EPHA3: variants seen among roughly 807,000 people sequenced by gnomAD.
EPHA3 encodes EPH receptor A3.
Under a neutral mutation model 107.1 loss-of-function variants are expected in EPHA3, and 42 were observed. That is an observed-to-expected ratio of 0.39 (90% CI 0.31 to 0.51). The LOEUF is 0.51. Among genes scored for constraint, EPHA3 ranks in the 20% least tolerant of loss-of-function variants. EPHA3 has a pLI of 0.78. For missense variants in EPHA3, 1,183 were observed against 1,211.2 expected (o/e 0.98, Z 0.35); for synonymous variants, 461 against 424.8 (o/e 1.09, Z -1.05).
intron 6 of EPHA3, among the ~76,000 whole-genome samples, chr3:89,397,809 G>A (rs952178074): frequency 2.0e-5 from 3 of 152,028 alleles, no homozygotes; most frequent in African/African-American, 7.2e-5. Flanking sequence ...TCTTAAACTT[G>A]TGACCTCAGG....
At chr3:89,323,755 G>T (rs113775586) in intron 3 of EPHA3, among the ~76,000 whole-genome samples, 1 of 151,838 alleles carries the variant, frequency 6.6e-6, no homozygotes, top group Non-Finnish European at 1.5e-5. Context: ...TTTTTCTTAC[G>T]TATCAGTAAC....
intron 2 of EPHA3, among the ~76,000 whole-genome samples, chr3:89,191,516 C>T (rs1272836140): frequency 6.6e-6 from 1 of 151,978 alleles, no homozygotes; most frequent in Non-Finnish European, 1.5e-5. Flanking sequence ...CTGTGTTATC[C>T]AGGATGGTAT....
intron 15 of EPHA3, among the ~76,000 whole-genome samples, chr3:89,451,343 T>C (rs1361520703): frequency 6.6e-6 from 1 of 152,164 alleles, no homozygotes; most frequent in Non-Finnish European, 1.5e-5. Flanking sequence ...AGGGGCCATA[T>C]AAGAAGAAAA....
chr3:89,222,441 A>T (rs923594042), intron 3 of EPHA3, among the ~76,000 whole-genome samples: 1 of 148,362 alleles, frequency 6.7e-6, no homozygotes, highest in African/African-American at 2.5e-5. Flanking sequence ...ATAGATGTAC[A>T]TGCATACTTG....
At chr3:89,450,485 C>A in intron 15 of EPHA3, 115 bp downstream of exon 15, 1 of 960,282 alleles carries the variant, frequency 1.0e-6, no homozygotes, top group Non-Finnish European at 1.6e-6. Flanking sequence ...TTGTATTCCA[C>A]CATATTAGAG....
intron 11 of EPHA3, among the ~76,000 whole-genome samples, chr3:89,427,461 T>C (rs1404572879): frequency 6.6e-6 from 1 of 151,922 alleles, no homozygotes; most frequent in Non-Finnish European, 1.5e-5. Flanking sequence ...CAGTTATGTG[T>C]ACATTAATGT....
intron 3 of EPHA3, among the ~76,000 whole-genome samples, chr3:89,211,756 T>C (rs1222819306): frequency 1.0e-5 from 1 of 96,040 alleles, no homozygotes; most frequent in Non-Finnish European, 2.2e-5. Flanking sequence ...CTTCTTCTTC[T>C]TCTTCTTCTT....
intron 11 of EPHA3, among the ~76,000 whole-genome samples, chr3:89,420,730 T>G (rs2107527991): frequency 6.6e-6 from 1 of 151,518 alleles, no homozygotes; most frequent in Admixed American, 6.6e-5. Context: ...TTAGTGTCAT[T>G]TAGCCATTTA....
chr3:89,312,449 T>C (rs1455741656), intron 3 of EPHA3, among the ~76,000 whole-genome samples: 2 of 151,792 alleles, frequency 1.3e-5, no homozygotes, highest in Non-Finnish European at 2.9e-5. Context: ...ATTATTCCTT[T>C]CTGATCTTAT....
chr3:89,207,644 C>T (rs1706139071), intron 2 of EPHA3, among the ~76,000 whole-genome samples: 1 of 151,912 alleles, frequency 6.6e-6, no homozygotes, highest in Non-Finnish European at 1.5e-5. Flanking sequence ...TGTTTAATGT[C>T]TATTGTTCTT....
chr3:89,153,289 A>T (rs1432636422), intron 2 of EPHA3, among the ~76,000 whole-genome samples: 2 of 152,012 alleles, frequency 1.3e-5, no homozygotes, highest in African/African-American at 4.8e-5. Flanking sequence ...CTCCTGCTTT[A>T]ATTTTTTCAC....
intron 7 of EPHA3, among the ~76,000 whole-genome samples, chr3:89,403,168 A>G (rs982118621): frequency 6.6e-6 from 1 of 152,156 alleles, no homozygotes; most frequent in Non-Finnish European, 1.5e-5. Context: ...GTATGTTGGT[A>G]TTTTATATTT....
intron 3 of EPHA3, among the ~76,000 whole-genome samples, chr3:89,230,606 CAA>C (rs1704605024): frequency 6.6e-6 from 1 of 151,980 alleles, no homozygotes; most frequent in South Asian, 2.1e-4. Flanking sequence ...TAAATAAAAA[CAA>C]TATTTTTAGA....
chr3:89,262,509 C>T (rs1387768028), intron 3 of EPHA3, among the ~76,000 whole-genome samples: 1 of 152,200 alleles, frequency 6.6e-6, no homozygotes, highest in Non-Finnish European at 1.5e-5. Context: ...TGAGCATTTT[C>T]CTGACCACTT....
chr3:89,162,879 T>A (rs533575099), intron 2 of EPHA3, among the ~76,000 whole-genome samples: 1 of 152,170 alleles, frequency 6.6e-6, no homozygotes. Flanking sequence ...TCTGAAAGGG[T>A]TGAAAGCTGC....
intron 3 of EPHA3, among the ~76,000 whole-genome samples, chr3:89,243,663 C>T (rs893882299): frequency 6.6e-6 from 1 of 152,044 alleles, no homozygotes; most frequent in African/African-American, 2.4e-5. Flanking sequence ...AGGAGTAGCC[C>T]TTCGTCAGAT....
intron 2 of EPHA3, among the ~76,000 whole-genome samples, chr3:89,129,652 G>A (rs1704163202): frequency 7.0e-6 from 1 of 142,588 alleles, no homozygotes; most frequent in East Asian, 2.1e-4. Flanking sequence ...TGAAAATAAT[G>A]TATGGTAAGT....
intron 15 of EPHA3, among the ~76,000 whole-genome samples, chr3:89,469,726 A>T (rs1710363791): frequency 1.3e-5 from 2 of 152,230 alleles, no homozygotes; most frequent in African/African-American, 4.8e-5. Flanking sequence ...AAAACATTAT[A>T]CAGTTTTATT....
chr3:89,382,268 G>A (rs1283710096), intron 5 of EPHA3, among the ~76,000 whole-genome samples: 2 of 152,072 alleles, frequency 1.3e-5, no homozygotes, highest in Non-Finnish European at 2.9e-5. Flanking sequence ...GGCACTTTGA[G>A]AGGCAAAGCT....
Sources: gnomAD v4.1 joint callset for allele counts (sites outside exome capture counted in the v4.1 genomes callset) on GRCh38, gnomAD v4.1.1 for gene constraint, MANE v1.5 for transcripts, NCBI Gene and HGNC (gene_info 2026-07-23, HGNC 2026-07-21) for gene names.